Variants in ZNF324B observed in about 807,000 individuals in gnomAD.
ZNF324B encodes zinc finger protein 324B.
A neutral mutation model predicts 10.6 loss-of-function variants in ZNF324B; 7 were observed. The observed-to-expected ratio is 0.66, with a 90% CI of 0.38 to 1.24. The LOEUF is 1.24. ZNF324B is among the 50% of genes most tolerant of loss of function. The probability of loss-of-function intolerance (pLI) is 0.02; values close to 1 mark genes in which losing one functional copy is unlikely to be tolerated. For synonymous variants in ZNF324B, 316 were observed against 321.0 expected (o/e 0.98, Z 0.17); for missense variants, 640 against 764.7 (o/e 0.84, Z 1.92).
the ZNF324B span, among the ~76,000 whole-genome samples, chr19:58,422,636 G>A: frequency 6.6e-6 from 1 of 152,082 alleles, no homozygotes; most frequent in Non-Finnish European, 1.5e-5. Flanking sequence ...AAATCAAGAA[G>A]GCAATCCCAT....
the ZNF324B span, among the ~76,000 whole-genome samples, chr19:58,446,285 G>A: frequency 8.8e-3 from 1,345 of 152,198 alleles, 24 homozygotes; most frequent in African/African-American, 0.03. Flanking sequence ...TACCATGATC[G>A]CCCTGCATGT....
the ZNF324B span, among the ~76,000 whole-genome samples, chr19:58,431,545 A>C: frequency 6.6e-6 from 1 of 152,114 alleles, no homozygotes; most frequent in African/African-American, 2.4e-5. Context: ...ATAGGTGTGC[A>C]CCACTGCACC....
At chr19:58,427,819 A>G in the ZNF324B span, among the ~76,000 whole-genome samples, 1 of 152,008 alleles carries the variant, frequency 6.6e-6, no homozygotes, top group Non-Finnish European at 1.5e-5. Flanking sequence ...GCACCATCTT[A>G]TGAGATCTAA....
chr19:58,449,097 A>G (rs111992394), upstream of ZNF324B, among the ~76,000 whole-genome samples: 3,161 of 152,310 alleles, frequency 0.021, 92 homozygotes, highest in African/African-American at 0.071. Flanking sequence ...GGTGCCCTGC[A>G]TCCCAGCTGC....
chr19:58,439,905 C>T, the ZNF324B span: 8 of 1,427,370 alleles, frequency 5.6e-6, no homozygotes, highest in Non-Finnish European at 6.6e-6. Context: ...GACCTGTCTT[C>T]CCAAATGCAA....
At chr19:58,431,116 A>G in the ZNF324B span, 1 of 152,376 alleles carries the variant, frequency 6.6e-6, no homozygotes, top group East Asian at 1.9e-4. Flanking sequence ...ACTGTGAGCC[A>G]TGTCACATCT....
intron 1 of ZNF324B, 50 bp from the exon 2 acceptor site, chr19:58,453,646 T>C: frequency 6.2e-7 from 1 of 1,613,826 alleles, no homozygotes; most frequent in African/African-American, 1.3e-5. Context: ...TGGTCCTGGC[T>C]CACAGCCATA....
At chr19:58,453,333 C>G in intron 1 of ZNF324B, 1 of 333,410 alleles carries the variant, frequency 3.0e-6, no homozygotes, top group Non-Finnish European at 5.8e-6. Context: ...GGACTTACAC[C>G]CTTGCTTATT....
chr19:58,446,493 T>C, the ZNF324B span, among the ~76,000 whole-genome samples: 4 of 151,828 alleles, frequency 2.6e-5, no homozygotes, highest in Non-Finnish European at 5.9e-5. Context: ...ATTGGGGTGG[T>C]ATCATGCTCA....
chr19:58,456,821 C>T lies in ZNF324B; in HGVS notation c.*242C>T, dbSNP rs1249524538. The T allele has an allele frequency of 5.1e-6, 3 of 587,674 alleles. No individual in the cohort carries two copies. The highest frequency in any genetic ancestry group is 9.0e-6 in the Non-Finnish European group (3 of 333,974). 36.4% of individuals were successfully genotyped at this position (587,674 alleles called of 1,614,324 possible). A position where few individuals can be genotyped will look rare whatever the true frequency, so the allele number is the denominator to read the frequency against. On this transcript the variant is annotated 3_prime_UTR_variant, in exon 4 of 4. Coordinates refer to ENST00000336614, the MANE Select transcript of ZNF324B (RefSeq NM_207395.3). The surrounding 1 kb of genome is among the most constrained non-coding windows in gnomAD (Gnocchi z 4.7). ...CAGAAACATCAGAGGGAGGACATGT[C>T]AGCTGGAACTCTGGTGGGGCTGAGG...
chr19:58,446,725 C>CA (rs1436789231), upstream of ZNF324B, among the ~76,000 whole-genome samples: 1 of 150,886 alleles, frequency 6.6e-6, no homozygotes, highest in Admixed American at 6.6e-5. Flanking sequence ...TACAGCCACA[C>CA]ACCACCTCGC....
At chr19:58,427,938 C>T in the ZNF324B span, among the ~76,000 whole-genome samples, 16 of 152,298 alleles carry the variant, frequency 1.1e-4, no homozygotes, top group African/African-American at 3.8e-4. Context: ...ATTCTGATCC[C>T]ACATGTGTCT....
upstream of ZNF324B, chr19:58,451,557 G>A (rs1156332467): frequency 1.9e-6 from 1 of 512,830 alleles, no homozygotes; most frequent in Non-Finnish European, 3.9e-6. Flanking sequence ...AAGGCTGTGC[G>A]CAAGCGTCTG....
rs2052889927 is a variant in ZNF324B at position 58,454,219 on chromosome 19, T to A, written c.122-9T>A. ...CTGGGGCTGGGCTCTCACCTGCTCC[T>A]CCTCACAGGACTCTCTACCTCCCGA... On this transcript the variant is annotated splice_polypyrimidine_tract_variant and intron_variant, in intron 2 of 3. Transcript: ENST00000336614. 1.2e-6 allele frequency: 2 copies of A among 1,604,644 alleles called. No individual in the cohort carries two copies. Among genetic ancestry groups the A allele is most frequent in the Non-Finnish European group, 1.7e-6 (2 of 1,171,666 alleles).
chr19:58,448,938 A>C (rs2052838977), upstream of ZNF324B, among the ~76,000 whole-genome samples: 1 of 152,226 alleles, frequency 6.6e-6, no homozygotes, highest in African/African-American at 2.4e-5. Flanking sequence ...AGTAACCAGG[A>C]GTCAAATGTT....
the ZNF324B span, chr19:58,442,957 A>G: frequency 2.6e-5 from 4 of 152,218 alleles, no homozygotes; most frequent in East Asian, 1.9e-4. Context: ...CTTTTATTCT[A>G]TTTGGCCCTG....
At chr19:58,427,291 T>TTTTCTTTCTTTCTTTCTTTCTTTCTTTC in the ZNF324B span, among the ~76,000 whole-genome samples, 144 of 58,362 alleles carry the variant, frequency 2.5e-3, 5 homozygotes, top group South Asian at 3.7e-3. Flanking sequence ...TGCCTGGCTT[T>TTTTCTTTCTTTCTTTCTTTCTTTCTTTC]TTTCTTTCTT....
At chr19:58,442,561 G>A in the ZNF324B span, 41 of 152,396 alleles carry the variant, frequency 2.7e-4, no homozygotes, top group Non-Finnish European at 8.7e-5. Context: ...TGGTGGGTTC[G>A]TGGTCTTGCT....
the ZNF324B span, chr19:58,432,218 C>T: frequency 2.1e-6 from 1 of 466,282 alleles, no homozygotes; most frequent in African/African-American, 2.0e-5. Context: ...TCTCAGCTCC[C>T]AGTTCCTACC....
Sources: gnomAD v4.1 joint callset for allele counts (sites outside exome capture counted in the v4.1 genomes callset) on GRCh38, gnomAD v4.1.1 for gene constraint, Gnocchi (gnomAD v3.1) non-coding constraint, MANE v1.5 for transcripts, NCBI Gene and HGNC (gene_info 2026-07-23, HGNC 2026-07-21) for gene names.